C4orf51: variants seen among roughly 807,000 people sequenced by gnomAD.
C4orf51 encodes the protein chromosome 4 open reading frame 51, also known as uncharacterized protein C4orf51.
In C4orf51, 25 loss-of-function variants were observed where a neutral mutation model predicts 25.2. The ratio of observed to expected loss-of-function variants is 0.99; its 90% CI spans 0.72 to 1.39. The LOEUF (loss-of-function observed/expected upper bound fraction) is 1.39. C4orf51 is among the 40% of genes most tolerant of loss of function. The probability of loss-of-function intolerance (pLI) is 0.00; values close to 1 mark genes in which losing one functional copy is unlikely to be tolerated. For synonymous variants in C4orf51, 100 were observed against 84.5 expected (o/e 1.18, Z -1.01); for missense variants, 252 against 239.6 (o/e 1.05, Z -0.34).
chr4:145,731,061 G>A (rs28378433), intron 5 of C4orf51, among the ~76,000 whole-genome samples: 3,243 of 152,292 alleles, frequency 0.021, 116 homozygotes, highest in African/African-American at 0.073. Context: ...TCCCCTGAAA[G>A]TTATATTGTG....
the C4orf51 span, among the ~76,000 whole-genome samples, chr4:145,787,996 G>A: frequency 6.6e-6 from 1 of 152,128 alleles, no homozygotes; most frequent in Non-Finnish European, 1.5e-5. Flanking sequence ...TAAGAAAACT[G>A]AGGCCTAGAG....
At chr4:145,683,557 A>G (rs550958854) in intron 1 of C4orf51, among the ~76,000 whole-genome samples, 4 of 152,344 alleles carry the variant, frequency 2.6e-5, no homozygotes, top group African/African-American at 7.2e-5. Flanking sequence ...GAACAGATCA[A>G]TGAAGTAGAA....
At chr4:145,719,830 T>C (rs566861814) in intron 2 of C4orf51, among the ~76,000 whole-genome samples, 3 of 152,102 alleles carry the variant, frequency 2.0e-5, no homozygotes, top group Non-Finnish European at 4.4e-5. Flanking sequence ...CTGAAACGTA[T>C]GCTTGAGGAA....
intron 1 of C4orf51, among the ~76,000 whole-genome samples, chr4:145,686,836 GT>G (rs1729185440): frequency 6.6e-6 from 1 of 152,196 alleles, no homozygotes; most frequent in Non-Finnish European, 1.5e-5. Flanking sequence ...ATTAATGTAT[GT>G]TTAATAAGTG....
chr4:145,775,954 C>T, downstream of C4orf51: 1 of 1,614,150 alleles, frequency 6.2e-7, no homozygotes, highest in Non-Finnish European at 8.5e-7. Flanking sequence ...TTTGTATTTT[C>T]TTTCCTCTGG....
chr4:145,750,957 A>G (rs1579035821), intron 1 of C4orf51, among the ~76,000 whole-genome samples: 1 of 152,074 alleles, frequency 6.6e-6, no homozygotes, highest in South Asian at 2.1e-4. Flanking sequence ...TAGTATGTCA[A>G]TCACATTTTT....
In C4orf51 at chr4:145,753,083, T is replaced by G. The variant is rs58939160; in HGVS notation, n.168-1124T>G. Among the ~76,000 whole-genome samples, 636 of 152,148 alleles carry G rather than the reference T, an allele frequency of 4.2e-3. 4 individuals are homozygous for G. The highest frequency in any genetic ancestry group is 0.014 in the African/African-American group (584 of 41,474). ...CTCTTCAGTGCCTTTTTCAGTAATA[T>G]GAAGTTAAAACCAGGTGCTGTGATT... On this transcript the variant is annotated intron_variant and non_coding_transcript_variant, in intron 1 of 1. Transcript: ENST00000508981.
At chr4:145,701,088 C>G (rs1464561674) in intron 2 of C4orf51, among the ~76,000 whole-genome samples, 1 of 152,118 alleles carries the variant, frequency 6.6e-6, no homozygotes, top group Non-Finnish European at 1.5e-5. Flanking sequence ...CGCTTTACAG[C>G]CCTAGACCCT....
downstream of C4orf51, chr4:145,774,475 G>A (rs780493506): frequency 6.4e-5 from 102 of 1,593,700 alleles, 1 homozygote; most frequent in Non-Finnish European, 8.2e-5. Context: ...GATGGAGAAG[G>A]AGTGTGAGAA....
downstream of C4orf51, among the ~76,000 whole-genome samples, chr4:145,755,098 C>G (rs895160008): frequency 6.6e-6 from 1 of 152,178 alleles, no homozygotes; most frequent in African/African-American, 2.4e-5. Flanking sequence ...TGCCTTGCAA[C>G]CATCTCTTTC....
chr4:145,697,155 A>G (rs1181908180), intron 2 of C4orf51, among the ~76,000 whole-genome samples: 2 of 148,244 alleles, frequency 1.3e-5, no homozygotes, highest in East Asian at 4.1e-4. Context: ...GCTGGAGTGC[A>G]GTGGTGCGAT....
Position 145,763,353 on chromosome 4 carries a change from A to G in C4orf51, n.167-7635A>G, listed in dbSNP as rs1414962922. ...TAAAGACACTCTCTCAGGCAAATTAATTCTCTGATATGGCAAAGGAAACAA... is the reference window on the plus strand; with the variant it reads ...TAAAGACACTCTCTCAGGCAAATTAGTTCTCTGATATGGCAAAGGAAACAA... On this transcript the variant is annotated intron_variant and non_coding_transcript_variant, in intron 1 of 1. Transcript: ENST00000510096. The surrounding 1 kb of genome is among the most constrained non-coding windows in gnomAD (Gnocchi z 4.6). Among the ~76,000 whole-genome samples, 1 of 152,238 alleles carries G rather than the reference A, an allele frequency of 6.6e-6. No homozygotes were observed. Among genetic ancestry groups the G allele is most frequent in the African/African-American group, 2.4e-5 (1 of 41,466 alleles).
chr4:145,705,124 T>C (rs1730717863), intron 2 of C4orf51, among the ~76,000 whole-genome samples: 1 of 152,216 alleles, frequency 6.6e-6, no homozygotes, highest in Non-Finnish European at 1.5e-5. Context: ...TACATGCTCA[T>C]TTGAGGCATT....
chr4:145,731,435 T>C (rs1732453842), intron 5 of C4orf51, among the ~76,000 whole-genome samples: 1 of 151,874 alleles, frequency 6.6e-6, no homozygotes, highest in Admixed American at 6.6e-5. Flanking sequence ...AATAACAGAC[T>C]AAAAGTACAT....
At chr4:145,750,095 GT>G (rs1186975563) in intron 1 of C4orf51, among the ~76,000 whole-genome samples, 1 of 152,010 alleles carries the variant, frequency 6.6e-6, no homozygotes, top group Non-Finnish European at 1.5e-5. Context: ...GTCTTGAAAA[GT>G]TGTTGTAGTT....
intron 1 of C4orf51, chr4:145,760,332 C>G (rs1734311705): frequency 6.6e-6 from 1 of 152,378 alleles, no homozygotes; most frequent in Non-Finnish European, 1.5e-5. Flanking sequence ...ACACGGCTTT[C>G]TCTTTCAGAA....
At chr4:145,734,524 A>G (rs2126782466), downstream of C4orf51, among the ~76,000 whole-genome samples, 1 of 152,312 alleles carries the variant, frequency 6.6e-6, no homozygotes, top group East Asian at 1.9e-4. Context: ...CCAGTCCCTC[A>G]GCCGCAGTCC....
chr4:145,755,977 C>T (rs1456804873), downstream of C4orf51, among the ~76,000 whole-genome samples: 1 of 152,232 alleles, frequency 6.6e-6, no homozygotes, highest in African/African-American at 2.4e-5. Flanking sequence ...GATGAAATCA[C>T]TCAGCTGCTA....
the C4orf51 span, among the ~76,000 whole-genome samples, chr4:145,780,727 G>C: frequency 6.6e-6 from 1 of 152,220 alleles, no homozygotes. Context: ...ATGGGCCACT[G>C]ATAGGCTTTT....
Sources: gnomAD v4.1 joint callset for allele counts (sites outside exome capture counted in the v4.1 genomes callset) on GRCh38, gnomAD v4.1.1 for gene constraint, Gnocchi (gnomAD v3.1) non-coding constraint, MANE v1.5 for transcripts, NCBI Gene and HGNC (gene_info 2026-07-23, HGNC 2026-07-21) for gene names.